The following IFT56 variants were observed in gnomAD, a reference collection of about 807,000 sequenced individuals.
The protein encoded by IFT56 is intraflagellar transport protein 56.
At chr7:139,190,548 A>T in the IFT56 span, 1 of 152,176 alleles carries the variant, frequency 6.6e-6, no homozygotes, top group African/African-American at 2.4e-5. Context: ...CCTGGCCCAA[A>T]CATCAGTTTT....
the IFT56 span, among the ~76,000 whole-genome samples, chr7:139,151,780 G>A: frequency 1.4e-4 from 22 of 152,016 alleles, no homozygotes; most frequent in Admixed American, 5.2e-4. Flanking sequence ...AACCATTTCC[G>A]GCTAGGCACA....
chr7:139,191,042 G>A, the IFT56 span: 1 of 152,226 alleles, frequency 6.6e-6, no homozygotes, highest in Admixed American at 6.5e-5. Flanking sequence ...AGTGGAAGCA[G>A]CCAAGAAGAG....
chr7:139,134,145 G>C, the IFT56 span, among the ~76,000 whole-genome samples: 1 of 152,202 alleles, frequency 6.6e-6, no homozygotes, highest in Non-Finnish European at 1.5e-5. Flanking sequence ...AGCCAGAGAA[G>C]ATAAAAGTTG....
chr7:139,151,511 A>G, the IFT56 span, among the ~76,000 whole-genome samples: 22 of 152,084 alleles, frequency 1.4e-4, no homozygotes, highest in African/African-American at 5.3e-4. Context: ...CCAAATTTCA[A>G]CCCTGGCATA....
chr7:139,145,918 CA>C, the IFT56 span, among the ~76,000 whole-genome samples: 2 of 152,112 alleles, frequency 1.3e-5, no homozygotes, highest in African/African-American at 2.4e-5. Context: ...AAATTGCATA[CA>C]CACAAAAATC....
chr7:139,165,375 G>T, the IFT56 span: 1 of 590,730 alleles, frequency 1.7e-6, no homozygotes, highest in South Asian at 2.4e-5. Context: ...CAAGTTTATT[G>T]GTGGTTATTT....
chr7:139,146,766 C>CAA, the IFT56 span, among the ~76,000 whole-genome samples: 4,913 of 88,534 alleles, frequency 0.055, 260 homozygotes, highest in African/African-American at 0.11. Context: ...GACTCCGTTT[C>CAA]AAAAAAAAAA....
At chr7:139,139,505 G>A in the IFT56 span, among the ~76,000 whole-genome samples, 1 of 152,144 alleles carries the variant, frequency 6.6e-6, no homozygotes, top group Admixed American at 6.5e-5. Context: ...AGAATGAAAT[G>A]AAACTTGGAG....
At chr7:139,177,611 A>AGTGTGTGTGTGT in the IFT56 span, among the ~76,000 whole-genome samples, 2,537 of 148,516 alleles carry the variant, frequency 0.017, 58 homozygotes, top group African/African-American at 0.058. Flanking sequence ...ATATATATAT[A>AGTGTGTGTGTGT]GTGTGTGTGT....
the IFT56 span, among the ~76,000 whole-genome samples, chr7:139,184,970 C>T: frequency 9.9e-5 from 15 of 151,066 alleles, no homozygotes; most frequent in Admixed American, 2.6e-4. Flanking sequence ...AGGAGAATGG[C>T]GTGAACCCGG....
chr7:139,140,714 G>T, the IFT56 span, among the ~76,000 whole-genome samples: 2 of 139,730 alleles, frequency 1.4e-5, no homozygotes, highest in African/African-American at 2.7e-5. Flanking sequence ...GGCGGAGGTT[G>T]CAGTGAGCCC....
chr7:139,188,356 C>T, the IFT56 span, among the ~76,000 whole-genome samples: 1 of 152,286 alleles, frequency 6.6e-6, no homozygotes, highest in East Asian at 1.9e-4. Context: ...CCACCTCAGC[C>T]TCCCAAAGTT....
chr7:139,179,590 A>G, the IFT56 span: 1 of 1,614,050 alleles, frequency 6.2e-7, no homozygotes. Context: ...CTCTTGATCC[A>G]AAGTGAGAAG....
At chr7:139,180,668 C>T in the IFT56 span, among the ~76,000 whole-genome samples, 1 of 151,522 alleles carries the variant, frequency 6.6e-6, no homozygotes, top group Non-Finnish European at 1.5e-5. Flanking sequence ...AAGATCGCAC[C>T]ACTGCACTCC....
chr7:139,181,207 G>T, the IFT56 span: 2 of 1,581,926 alleles, frequency 1.3e-6, no homozygotes, highest in South Asian at 1.1e-5. Context: ...AGGTGAGTCT[G>T]ACTGAGACTA....
chr7:139,152,207 G>C, the IFT56 span, among the ~76,000 whole-genome samples: 1 of 152,198 alleles, frequency 6.6e-6, no homozygotes, highest in Non-Finnish European at 1.5e-5. Context: ...GCTCATTGCA[G>C]CCTCAAACTC....
the IFT56 span, among the ~76,000 whole-genome samples, chr7:139,160,433 CTTT>C: frequency 2.2e-5 from 3 of 138,420 alleles, no homozygotes; most frequent in Admixed American, 7.2e-5. Flanking sequence ...AGTCACTTAA[CTTT>C]TTTTTTTTTT....
the IFT56 span, chr7:139,142,156 G>A: frequency 8.1e-7 from 1 of 1,232,290 alleles, no homozygotes; most frequent in Non-Finnish European, 1.2e-6. Flanking sequence ...AGGATCAGAT[G>A]AGTAAGGTTT....
chr7:139,134,822 G>A, the IFT56 span: 1 of 1,605,822 alleles, frequency 6.2e-7, no homozygotes, highest in African/African-American at 1.3e-5. Flanking sequence ...GCTTCTTAGT[G>A]TATGAATACC....
Sources: allele counts gnomAD v4.1 joint callset (sites outside exome capture counted in the v4.1 genomes callset), GRCh38; gene constraint gnomAD v4.1.1; transcripts MANE v1.5; gene names NCBI Gene and HGNC (gene_info 2026-07-23, HGNC 2026-07-21).